The following CWF19L2 variants were observed in gnomAD, a reference collection of about 807,000 sequenced individuals.
CWF19L2 encodes the protein CWF19-like protein 2.
CWF19L2 carries 98 observed loss-of-function variants against 111.7 expected under a neutral mutation model. The ratio of observed to expected loss-of-function variants is 0.88; its 90% CI spans 0.75 to 1.04. The LOEUF is 1.04. Among genes scored for constraint, CWF19L2 ranks in the 50% least tolerant of loss-of-function variants. The probability of loss-of-function intolerance (pLI) is 0.00; values close to 1 mark genes in which losing one functional copy is unlikely to be tolerated. For synonymous variants in CWF19L2, 351 were observed against 342.9 expected (o/e 1.02, Z -0.26); for missense variants, 1,101 against 1,051.4 (o/e 1.05, Z -0.65).
intron 10 of CWF19L2, among the ~76,000 whole-genome samples, chr11:107,403,241 AAAAATT>A (rs1861032009): frequency 6.6e-6 from 1 of 151,784 alleles, no homozygotes; most frequent in Non-Finnish European, 1.5e-5. Context: ...TGGTATAAAA[AAAAATT>A]AAAATTAAAA....
rs141889965 is a variant in CWF19L2, at chr11:107,330,118, T to A, written c.2440-99A>T. ...TCTGGAAGGACAGTAATCTTAAGCA[T>A]TCCTCAAGACAAATGTATAAAATGA... On this transcript the variant is annotated intron_variant, in intron 16 of 17. Transcript: ENST00000282251. 3.0e-5 allele frequency: 18 copies of A among 601,268 alleles called. No homozygotes were observed. In the East Asian group the frequency reaches 4.0e-4, roughly 13 times the overall value. 37.2% of individuals were successfully genotyped at this position (601,268 alleles called of 1,614,324 possible). A position where few individuals can be genotyped will look rare whatever the true frequency, so the allele number is the denominator to read the frequency against.
chr11:107,357,317 A>C (rs1481882774), intron 12 of CWF19L2, among the ~76,000 whole-genome samples: 3 of 152,220 alleles, frequency 2.0e-5, no homozygotes, highest in Admixed American at 1.3e-4. Context: ...AACATACCAA[A>C]TCAAGTTAAG....
intron 8 of CWF19L2, among the ~76,000 whole-genome samples, chr11:107,419,289 A>G (rs1253226567): frequency 6.6e-6 from 1 of 152,194 alleles, no homozygotes; most frequent in Non-Finnish European, 1.5e-5. Context: ...GGCCCACCTA[A>G]AAAATGTTAA....
intron 16 of CWF19L2, among the ~76,000 whole-genome samples, chr11:107,332,846 G>A (rs1331734265): frequency 2.0e-5 from 3 of 152,078 alleles, no homozygotes; most frequent in Admixed American, 2.0e-4. Flanking sequence ...AAGGGGCTGG[G>A]CGCAGTGGCT....
intron 14 of CWF19L2, among the ~76,000 whole-genome samples, chr11:107,345,038 G>C (rs566350487): frequency 6.6e-6 from 1 of 152,176 alleles, no homozygotes; most frequent in Admixed American, 6.5e-5. Context: ...GAGGAGGCAT[G>C]GCTCGTGCCT....
At chr11:107,432,553 A>T (rs1362874770) in intron 7 of CWF19L2, among the ~76,000 whole-genome samples, 2 of 152,224 alleles carry the variant, frequency 1.3e-5, no homozygotes, top group East Asian at 3.8e-4. Flanking sequence ...ACCGCACTCC[A>T]GCCTGGGTGA....
intron 8 of CWF19L2, among the ~76,000 whole-genome samples, chr11:107,421,962 A>G (rs1384530231): frequency 6.6e-6 from 1 of 152,104 alleles, no homozygotes; most frequent in African/African-American, 2.4e-5. Flanking sequence ...ACAATCTCAA[A>G]TTCACCAACA....
At chr11:107,453,945 G>A (rs1350994092) in intron 3 of CWF19L2, among the ~76,000 whole-genome samples, 1 of 151,526 alleles carries the variant, frequency 6.6e-6, no homozygotes, top group Non-Finnish European at 1.5e-5. Context: ...GGGAAGAGTG[G>A]GAAGGACTGC....
intron 12 of CWF19L2, among the ~76,000 whole-genome samples, chr11:107,389,327 A>C (rs1206475740): frequency 6.6e-6 from 1 of 152,210 alleles, no homozygotes; most frequent in Non-Finnish European, 1.5e-5. Flanking sequence ...TACTCAATTC[A>C]GCCATTATAG....
intron 12 of CWF19L2, among the ~76,000 whole-genome samples, chr11:107,367,597 T>C (rs1204963891): frequency 8.0e-6 from 1 of 124,264 alleles, no homozygotes; most frequent in African/African-American, 3.4e-5. Context: ...AAACACCGCA[T>C]ATTCTCACTC....
At chr11:107,330,092 C>T in intron 16 of CWF19L2, 73 bp from the exon 17 acceptor site, 1 of 793,146 alleles carries the variant, frequency 1.3e-6, no homozygotes, top group Non-Finnish European at 1.9e-6. Context: ...CTCCCCTCTT[C>T]TCTGGAAGGA....
In CWF19L2 at chr11:107,432,972, T is replaced by C. The variant is rs536056796; in HGVS notation, c.780+662A>G. Among the ~76,000 whole-genome samples, 113 of 152,140 alleles carry C rather than the reference T, an allele frequency of 7.4e-4. 2 individuals are homozygous for C. In the South Asian group the frequency reaches 0.021, roughly 29 times the overall value. On this transcript the variant is annotated intron_variant, in intron 7 of 17. Coordinates refer to ENST00000282251, the MANE Select transcript of CWF19L2 (RefSeq NM_152434.3). ...TAAATATATTAAAAAAATTAACAGGTCATTAAAATGTATATATTTACTGGC... is the reference window on the plus strand; with the variant it reads ...TAAATATATTAAAAAAATTAACAGGCCATTAAAATGTATATATTTACTGGC...
intron 16 of CWF19L2, among the ~76,000 whole-genome samples, chr11:107,332,743 A>ACT (rs57431271): frequency 0.012 from 1,889 of 152,286 alleles, 22 homozygotes; most frequent in South Asian, 0.037. Flanking sequence ...AAGTTTATTA[A>ACT]CCAAAAAGTG....
chr11:107,439,987 T>G lies in CWF19L2; in HGVS notation c.571-804A>C, dbSNP rs539349327. ...TGGCAGTAATCCAGGCAACAGATGA[T>G]AGTAGCCTAATCACAATGCAAGTGT... is the stretch of plus-strand genomic sequence containing the variant. On this transcript the variant is annotated intron_variant, in intron 5 of 17. Transcript: ENST00000282251. 1.4e-4 allele frequency among the ~76,000 whole-genome samples: 22 copies of G among 152,260 alleles called. No homozygotes were observed. The South Asian group carries it at 4.6e-3, about 32-fold the overall frequency.
chr11:107,350,450 T>A (rs1392819556), intron 13 of CWF19L2, among the ~76,000 whole-genome samples: 1 of 152,128 alleles, frequency 6.6e-6, no homozygotes, highest in African/African-American at 2.4e-5. Context: ...AATTATCTTA[T>A]AAAAGAAGCC....
chr11:107,392,732 G>T, intron 11 of CWF19L2, 47 bp downstream of exon 11: 1 of 1,165,402 alleles, frequency 8.6e-7, no homozygotes, highest in Non-Finnish European at 1.2e-6. Context: ...GCCCCAAGGG[G>T]AAGAAGGAAT....
At chr11:107,423,587 T>C (rs1861332376) in intron 8 of CWF19L2, among the ~76,000 whole-genome samples, 1 of 151,900 alleles carries the variant, frequency 6.6e-6, no homozygotes, top group African/African-American at 2.4e-5. Flanking sequence ...CCATTTCTCA[T>C]CTCAACATCG....
Position 107,457,717 on chromosome 11 carries a change from GCAACA to G in CWF19L2, c.95_99del (p.Val32AlafsTer4). Reference sequence around the variant, plus strand: ...AAGCCCCAAAACAGAGGTACCTGGCGCAACACCTCGGCCCTGGCATTCCGGGTCTG... The same window carrying G: ...AAGCCCCAAAACAGAGGTACCTGGCGCCTCGGCCCTGGCATTCCGGGTCTG... On this transcript the variant is annotated frameshift_variant, in exon 1 of 18. Transcript: ENST00000282251. LOFTEE classifies it high-confidence loss of function. 6.4e-7 allele frequency: 1 copy of G among 1,550,614 alleles called. No individual in the cohort carries two copies. Among genetic ancestry groups the G allele is most frequent in the Non-Finnish European group, 8.7e-7 (1 of 1,146,042 alleles).
intron 10 of CWF19L2, among the ~76,000 whole-genome samples, chr11:107,396,680 T>G (rs1303228194): frequency 6.6e-6 from 1 of 152,122 alleles, no homozygotes; most frequent in Non-Finnish European, 1.5e-5. Context: ...AAGGCAAGAC[T>G]AGATTGTAGC....
Sources: gnomAD v4.1 joint callset for allele counts (sites outside exome capture counted in the v4.1 genomes callset) on GRCh38, gnomAD v4.1.1 for gene constraint, MANE v1.5 for transcripts, NCBI Gene and HGNC (gene_info 2026-07-23, HGNC 2026-07-21) for gene names.